CAPN14: variants seen among roughly 807,000 people sequenced by gnomAD.
The protein encoded by CAPN14 is calpain 14.
In CAPN14, 94 loss-of-function variants were observed where a neutral mutation model predicts 101.3. The observed-to-expected ratio is 0.93, with a 90% CI of 0.79 to 1.10. The LOEUF (loss-of-function observed/expected upper bound fraction) is 1.10. Ranked by LOEUF, CAPN14 falls within the 50% of genes least tolerant of loss-of-function variation. The probability of loss-of-function intolerance (pLI) is 0.00; values close to 1 mark genes in which losing one functional copy is unlikely to be tolerated. For synonymous variants in CAPN14, 338 were observed against 317.9 expected, an observed-to-expected ratio of 1.06 and a Z score of -0.67; for missense variants, 837 against 828.4, an observed-to-expected ratio of 1.01 and a Z score of -0.13.
In CAPN14 at chr2:31,202,075, C is replaced by T. The variant is rs1681819242; in HGVS notation, c.414+59G>A. Reference sequence around the variant, plus strand: ...CAGCCCAGAAGGTGAAGACATGGTCCTCCAGGAACCCTTTTTCCTATGACT... The same window carrying T: ...CAGCCCAGAAGGTGAAGACATGGTCTTCCAGGAACCCTTTTTCCTATGACT... On this transcript the variant is annotated intron_variant, in intron 4 of 21. Coordinates refer to ENST00000403897, the MANE Select transcript of CAPN14 (RefSeq NM_001145122.2). 1.9e-6 allele frequency: 3 copies of T among 1,550,018 alleles called. No homozygotes were observed. The Admixed American group carries it at 5.9e-5, about 30-fold the overall frequency.
chr2:31,181,622 T>C (rs928867083), intron 16 of CAPN14, among the ~76,000 whole-genome samples: 1 of 148,926 alleles, frequency 6.7e-6, no homozygotes, highest in African/African-American at 2.5e-5. Flanking sequence ...GCTGCACCCA[T>C]TAACTCGTCA....
At position 31,191,983 on chromosome 2, in the gene CAPN14, C is replaced by A; in HGVS notation, c.1230G>T (p.Arg410Ser). ...CGAGGAGAGGCTTCCGCTTGCGGCA[C>A]CTGTGCCTGGGCTTCTGGAGCAGGG... is the stretch of plus-strand genomic sequence containing the variant. ...LVSLLQKPRH[R>S]CRKRKPLLAI... Residue 410 changes from arginine (R) to serine (S), a missense_variant, in exon 11 of 22, where the codon AGG (arginine) becomes AGT (serine). By Grantham distance (110) the Arg-to-Ser change is moderately radical. Transcript: ENST00000403897. 1 of 1,551,584 alleles carries A rather than the reference C, an allele frequency of 6.4e-7. No homozygotes were observed. Among genetic ancestry groups the A allele is most frequent in the African/African-American group, 1.4e-5 (1 of 73,170 alleles).
chr2:31,190,589 T>C (rs1467616875), intron 12 of CAPN14, among the ~76,000 whole-genome samples: 1 of 152,138 alleles, frequency 6.6e-6, no homozygotes, highest in Non-Finnish European at 1.5e-5. Flanking sequence ...GATTTGCAGG[T>C]TTCCTCTGTT....
At chr2:31,212,187 G>C (rs958187127) in intron 1 of CAPN14, among the ~76,000 whole-genome samples, 1 of 151,860 alleles carries the variant, frequency 6.6e-6, no homozygotes, top group Admixed American at 6.6e-5. Context: ...GTGGGCGCCC[G>C]TAATCCCAGC....
In CAPN14 at chr2:31,177,772, T is replaced by C; in HGVS notation, c.1829A>G (p.Gln610Arg). 1 of 1,552,060 alleles carries C rather than the reference T, an allele frequency of 6.4e-7. No individual in the cohort carries two copies. Among genetic ancestry groups the C allele is most frequent in the South Asian group, 1.2e-5 (1 of 84,060 alleles). ...DRGSGYLNWE[Q>R]LHAAMREAGI... Reference sequence around the variant, plus strand: ...TGCCTCCCTCATGGCAGCGTGCAGCTGCTCCCAGTTCAGGTATCCTGACCC... The same window carrying C: ...TGCCTCCCTCATGGCAGCGTGCAGCCGCTCCCAGTTCAGGTATCCTGACCC... Residue 610 changes from glutamine (Q) to arginine (R), a missense_variant, in exon 19 of 22, where the codon CAG becomes CGG. Physicochemically the swap from Gln to Arg is conservative, Grantham distance 43. Coordinates refer to ENST00000403897, the MANE Select transcript of CAPN14 (RefSeq NM_001145122.2).
chr2:31,204,027 G>A (rs979423843), intron 2 of CAPN14, among the ~76,000 whole-genome samples: 28 of 152,170 alleles, frequency 1.8e-4, no homozygotes, highest in African/African-American at 6.5e-4. Flanking sequence ...AACCTGTTTT[G>A]GGGGTAGGAG....
At chr2:31,181,398 T>TC (rs1680595605) in intron 16 of CAPN14, among the ~76,000 whole-genome samples, 4 of 135,074 alleles carry the variant, frequency 3.0e-5, no homozygotes, top group African/African-American at 1.1e-4. Context: ...TTCTTTCTTT[T>TC]TTTCTTTCTT....
chr2:31,176,948 T>G, intron 20 of CAPN14, 78 bp downstream of exon 20: 1 of 1,080,252 alleles, frequency 9.3e-7, no homozygotes, highest in Admixed American at 2.1e-5. Context: ...TCCTCCCTTG[T>G]GCTTAAACTA....
intron 17 of CAPN14, among the ~76,000 whole-genome samples, chr2:31,180,210 C>T (rs966832085): frequency 1.1e-4 from 17 of 152,054 alleles, no homozygotes; most frequent in Admixed American, 1.0e-3. Flanking sequence ...ATGAAATGAG[C>T]GCTTGGAGAG....
intron 16 of CAPN14, among the ~76,000 whole-genome samples, chr2:31,184,409 T>C (rs1399467621): frequency 6.6e-6 from 1 of 152,224 alleles, no homozygotes; most frequent in Non-Finnish European, 1.5e-5. Flanking sequence ...AAACTACTCC[T>C]CACATGCGAT....
At chr2:31,199,098 T>C (rs1456538701) in intron 7 of CAPN14, among the ~76,000 whole-genome samples, 2 of 152,130 alleles carry the variant, frequency 1.3e-5, no homozygotes, top group South Asian at 2.1e-4. Context: ...AAAAGATGGA[T>C]AGCAATGGAG....
rs191802428 is a variant in CAPN14 at position 31,185,253 on chromosome 2, G to A, written c.1645+1175C>T. On this transcript the variant is annotated intron_variant, in intron 16 of 21. Coordinates refer to ENST00000403897, the MANE Select transcript of CAPN14 (RefSeq NM_001145122.2). ...TAAACATCTAAGCATATAGACTCTT[G>A]CCTGTAACTGGATAGAATTATCCCT... Among the ~76,000 whole-genome samples the A allele has an allele frequency of 1.6e-3, 248 of 152,262 alleles. 1 individual carries two copies. The highest frequency in any genetic ancestry group is 2.2e-3 in the Non-Finnish European group (153 of 68,014).
chr2:31,219,914 CCTACTTCCCA>C (rs1233732152), upstream of CAPN14, among the ~76,000 whole-genome samples: 3 of 152,156 alleles, frequency 2.0e-5, no homozygotes, highest in African/African-American at 2.4e-5. Flanking sequence ...CTTCTAATGT[CCTACTTCCCA>C]CTTCTTCTAG....
intron 15 of CAPN14, among the ~76,000 whole-genome samples, chr2:31,187,325 A>C (rs1680943983): frequency 6.6e-6 from 1 of 151,466 alleles, no homozygotes; most frequent in African/African-American, 2.4e-5. Flanking sequence ...TATCAGTCCC[A>C]CCTTCTCTCC....
chr2:31,223,732 G>A (rs1572448749), intron 2 of CAPN14, among the ~76,000 whole-genome samples: 1 of 152,048 alleles, frequency 6.6e-6, no homozygotes, highest in Non-Finnish European at 1.5e-5. Flanking sequence ...GTTTCACTAT[G>A]TTGGCCAGGC....
chr2:31,199,612 G>A (rs1681648795), intron 6 of CAPN14, 80 bp from the exon 7 acceptor site: 6 of 1,180,594 alleles, frequency 5.1e-6, no homozygotes, highest in Non-Finnish European at 7.3e-6. Flanking sequence ...CTGTTTGGCT[G>A]GAGCAGGGGT....
chr2:31,174,722 A>G lies in CAPN14; in HGVS notation c.2029-15T>C. 1 of 1,551,630 alleles carries G rather than the reference A, an allele frequency of 6.4e-7. No homozygotes were observed. The highest frequency in any genetic ancestry group is 8.7e-7 in the Non-Finnish European group (1 of 1,146,956). On this transcript the variant is annotated splice_polypyrimidine_tract_variant and intron_variant, in intron 21 of 21. Coordinates refer to ENST00000403897, the MANE Select transcript of CAPN14 (RefSeq NM_001145122.2). Reference sequence around the variant, plus strand: ...ATCATCATCCACTGGACATGTTGGGAAAGCAAATGATGGTCAGTTCAGACC... The same window carrying G: ...ATCATCATCCACTGGACATGTTGGGGAAGCAAATGATGGTCAGTTCAGACC...
chr2:31,233,253 T>G (rs538380065), intron 1 of CAPN14, among the ~76,000 whole-genome samples: 2 of 152,184 alleles, frequency 1.3e-5, no homozygotes, highest in East Asian at 3.9e-4. Context: ...CCTCCCTCAC[T>G]CTCTTTCACC....
chr2:31,175,733 T>C (rs983103959), intron 21 of CAPN14, among the ~76,000 whole-genome samples: 3 of 152,164 alleles, frequency 2.0e-5, no homozygotes, highest in Admixed American at 6.5e-5. Context: ...TGGAAAGCAA[T>C]TCCATAAAAT....
Sources: allele counts gnomAD v4.1 joint callset (sites outside exome capture counted in the v4.1 genomes callset), GRCh38; gene constraint gnomAD v4.1.1; transcripts MANE v1.5; gene names NCBI Gene and HGNC (gene_info 2026-07-23, HGNC 2026-07-21).